The following PTPRD variants were observed in gnomAD, a reference collection of about 807,000 sequenced individuals.
PTPRD encodes the protein protein tyrosine phosphatase receptor type D.
Under a neutral mutation model 214.5 loss-of-function variants are expected in PTPRD, and 34 were observed. The observed-to-expected ratio is 0.16, with a 90% CI of 0.12 to 0.21. PTPRD has a LOEUF of 0.21. Ranked by LOEUF, PTPRD falls within the 10% of genes least tolerant of loss-of-function variation. The pLI, the probability that PTPRD is intolerant of heterozygous loss-of-function variation, is 1.00. For synonymous variants in PTPRD, 1,128 were observed against 845.7 expected (o/e 1.33, Z -5.79); for missense variants, 2,545 against 2,398.7 (o/e 1.06, Z -1.27).
intron 5 of PTPRD, among the ~76,000 whole-genome samples, chr9:9,786,075 C>A (rs1224355942): frequency 6.6e-6 from 1 of 152,138 alleles, no homozygotes; most frequent in East Asian, 1.9e-4. Flanking sequence ...ATCAATAATA[C>A]AAACCAATGG....
At chr9:9,135,943 C>T (rs78725049) in intron 10 of PTPRD, among the ~76,000 whole-genome samples, 5,929 of 151,716 alleles carry the variant, frequency 0.039, 252 homozygotes, top group African/African-American at 0.094. Context: ...TTAATGATGA[C>T]AATAAAACGT....
intron 4 of PTPRD, among the ~76,000 whole-genome samples, chr9:9,993,001 CAGTT>C (rs148810732): frequency 0.25 from 36,632 of 148,848 alleles, 5,109 homozygotes; most frequent in Middle Eastern, 0.36. Flanking sequence ...TAAAAAAAAA[CAGTT>C]AGATGCCAAT....
At chr9:8,665,854 G>A (rs937653883) in intron 12 of PTPRD, among the ~76,000 whole-genome samples, 1 of 152,082 alleles carries the variant, frequency 6.6e-6, no homozygotes, top group African/African-American at 2.4e-5. Flanking sequence ...CTACTCCTTA[G>A]ACTTGTTATT....
intron 3 of PTPRD, among the ~76,000 whole-genome samples, chr9:10,305,145 G>A (rs564687255): frequency 6.6e-6 from 1 of 152,018 alleles, no homozygotes; most frequent in African/African-American, 2.4e-5. Context: ...ACAAAAACAA[G>A]CAATGGGGAA....
At chr9:9,423,049 T>C (rs1358138116) in intron 8 of PTPRD, among the ~76,000 whole-genome samples, 1 of 152,074 alleles carries the variant, frequency 6.6e-6, no homozygotes, top group East Asian at 1.9e-4. Context: ...ACTTTGAAAA[T>C]TCTAAACCTC....
At chr9:10,559,178 C>T (rs1044093886) in intron 2 of PTPRD, among the ~76,000 whole-genome samples, 2 of 152,030 alleles carry the variant, frequency 1.3e-5, no homozygotes, top group Non-Finnish European at 2.9e-5. Flanking sequence ...TTTTAAGAAT[C>T]CCATGAGGAT....
At chr9:8,639,782 G>A (rs549938755) in intron 12 of PTPRD, among the ~76,000 whole-genome samples, 3 of 152,252 alleles carry the variant, frequency 2.0e-5, no homozygotes, top group African/African-American at 7.2e-5. Flanking sequence ...GGTGGGTGAG[G>A]ACAAGTCAAA....
At chr9:8,336,278 G>A (rs984615190) in intron 43 of PTPRD, among the ~76,000 whole-genome samples, 3 of 148,762 alleles carry the variant, frequency 2.0e-5, no homozygotes, top group Non-Finnish European at 2.9e-5. Context: ...ACAGAACAGA[G>A]GCCTCAGAAG....
intron 5 of PTPRD, among the ~76,000 whole-genome samples, chr9:9,798,317 A>ATTCT: frequency 6.6e-6 from 1 of 152,304 alleles, no homozygotes; most frequent in East Asian, 1.9e-4. Context: ...CACCTTCAGA[A>ATTCT]ATGAAGACTC....
At chr9:10,093,303 T>G (rs2098450833) in intron 3 of PTPRD, among the ~76,000 whole-genome samples, 1 of 151,566 alleles carries the variant, frequency 6.6e-6, no homozygotes, top group Non-Finnish European at 1.5e-5. Flanking sequence ...CAGACACATT[T>G]CATAAGATGA....
intron 3 of PTPRD, among the ~76,000 whole-genome samples, chr9:10,285,272 C>A (rs984793249): frequency 8.0e-6 from 1 of 124,300 alleles, no homozygotes; most frequent in South Asian, 3.0e-4. Context: ...CTTGTTTTCA[C>A]GTGAGAAAAT....
intron 4 of PTPRD, among the ~76,000 whole-genome samples, chr9:10,009,408 A>G (rs1211590206): frequency 6.6e-6 from 1 of 151,984 alleles, no homozygotes; most frequent in East Asian, 1.9e-4. Context: ...CCAGAAAGCC[A>G]GGACAACTCA....
intron 4 of PTPRD, among the ~76,000 whole-genome samples, chr9:9,951,863 T>A (rs1380419317): frequency 6.6e-6 from 1 of 152,206 alleles, no homozygotes; most frequent in African/African-American, 2.4e-5. Flanking sequence ...GGCGGAGCAA[T>A]GTAAAGACTA....
intron 9 of PTPRD, among the ~76,000 whole-genome samples, chr9:9,272,398 A>G (rs1225988730): frequency 6.6e-6 from 1 of 151,308 alleles, no homozygotes; most frequent in Non-Finnish European, 1.5e-5. Context: ...TTTTGAAACT[A>G]CTATTTAACT....
chr9:8,760,983 T>C (rs2094378092), intron 11 of PTPRD, among the ~76,000 whole-genome samples: 1 of 152,212 alleles, frequency 6.6e-6, no homozygotes, highest in East Asian at 1.9e-4. Context: ...GAATGAATCA[T>C]TTAATCTTTA....
intron 11 of PTPRD, among the ~76,000 whole-genome samples, chr9:8,865,212 T>A (rs1041302888): frequency 6.6e-6 from 1 of 152,260 alleles, no homozygotes; most frequent in African/African-American, 2.4e-5. Context: ...AAGAACAAAT[T>A]TTTCAGTACA....
intron 4 of PTPRD, among the ~76,000 whole-genome samples, chr9:9,955,998 T>A (rs1053100543): frequency 1.3e-5 from 2 of 152,150 alleles, no homozygotes; most frequent in African/African-American, 4.8e-5. Flanking sequence ...TACACAATAA[T>A]TATTTGAGGC....
chr9:8,650,537 A>C (rs1397298323), intron 12 of PTPRD, among the ~76,000 whole-genome samples: 1 of 151,856 alleles, frequency 6.6e-6, no homozygotes, highest in African/African-American at 2.4e-5. Flanking sequence ...CCAAAAAAAA[A>C]AAAAAAAAAA....
At position 10,412,102 on chromosome 9, in the gene PTPRD, G is replaced by C. The variant is rs1485725923; in HGVS notation, c.-599-71085C>G. Among the ~76,000 whole-genome samples, 10 of 151,644 alleles carry C rather than the reference G, an allele frequency of 6.6e-5. No homozygotes were observed. In the Admixed American group the frequency reaches 6.6e-4, roughly 10 times the overall value. The stretch of plus-strand genomic sequence containing the variant: ...TTCATGTAAACTCTGCAGTGCATTA[G>C]AAACAGCCTGAGGGAAGATTTGAAG... On this transcript the variant is annotated intron_variant, in intron 2 of 45. Transcript: ENST00000381196.
Sources: allele counts gnomAD v4.1 joint callset (sites outside exome capture counted in the v4.1 genomes callset), GRCh38; gene constraint gnomAD v4.1.1; transcripts MANE v1.5; gene names NCBI Gene and HGNC (gene_info 2026-07-23, HGNC 2026-07-21).